HMBOX1: variants seen among roughly 807,000 people sequenced by gnomAD.
HMBOX1 encodes the protein homeobox-containing protein 1.
In HMBOX1, 14 loss-of-function variants were observed where a neutral mutation model predicts 54.5. The observed-to-expected ratio is 0.26, with a 90% CI of 0.17 to 0.40. The LOEUF (loss-of-function observed/expected upper bound fraction) is 0.40. HMBOX1 is among the 10% of genes least tolerant of loss of function. HMBOX1 has a pLI of 1.00. For synonymous variants in HMBOX1, 160 were observed against 181.0 expected, an observed-to-expected ratio of 0.88 and a Z score of 0.93; for missense variants, 332 against 514.4, an observed-to-expected ratio of 0.65 and a Z score of 3.43.
chr8:28,947,663 G>A (rs1156382578), intron 1 of HMBOX1, among the ~76,000 whole-genome samples: 1 of 152,130 alleles, frequency 6.6e-6, no homozygotes. Flanking sequence ...TGTTAAATTG[G>A]ATTATCCCTA....
chr8:28,960,279 A>G lies in HMBOX1; in HGVS notation c.-57-3532A>G, dbSNP rs563357770. ...GAAGAACAATCCTCTTTTTTGTCAC[A>G]GTGTATTGTTATGTTGGTCATAATT... On this transcript the variant is annotated intron_variant, in intron 1 of 9. Transcript: ENST00000287701. Among the ~76,000 whole-genome samples, 71 of 143,470 alleles carry G rather than the reference A, an allele frequency of 4.9e-4. 2 individuals carry two copies. The South Asian group carries it at 0.014, about 27-fold the overall frequency. The allele number at this position is 143,470 out of a possible 152,430, so 94.1% of individuals were successfully genotyped here.
At chr8:29,020,222 A>T (rs1323471354) in intron 6 of HMBOX1, among the ~76,000 whole-genome samples, 2 of 152,240 alleles carry the variant, frequency 1.3e-5, no homozygotes, top group Admixed American at 6.5e-5. Flanking sequence ...TTAAATTGCA[A>T]CATTGTACAT....
At chr8:28,926,304 T>TATACACACACACACACAC (rs796953426) in intron 1 of HMBOX1, among the ~76,000 whole-genome samples, 2 of 142,138 alleles carry the variant, frequency 1.4e-5, no homozygotes, top group African/African-American at 5.3e-5. Context: ...TATATATATA[T>TATACACACACACACACAC]ACACACACAC....
At chr8:28,937,535 C>A (rs762747751) in intron 1 of HMBOX1, among the ~76,000 whole-genome samples, 4 of 152,170 alleles carry the variant, frequency 2.6e-5, no homozygotes, top group Non-Finnish European at 5.9e-5. Flanking sequence ...TTCTTCAATA[C>A]AATCTTGGGA....
intron 4 of HMBOX1, among the ~76,000 whole-genome samples, chr8:28,992,698 A>G (rs1831161600): frequency 6.6e-6 from 1 of 151,594 alleles, no homozygotes; most frequent in Non-Finnish European, 1.5e-5. Context: ...GTGAATCCCC[A>G]TCTCTACTAA....
chr8:28,896,713 G>T (rs1812185816), intron 1 of HMBOX1, among the ~76,000 whole-genome samples: 1 of 123,858 alleles, frequency 8.1e-6, no homozygotes, highest in Non-Finnish European at 2.0e-5. Flanking sequence ...GTAACATGCT[G>T]TACAGGTTTG....
At chr8:28,919,120 A>G (rs1817097558) in intron 1 of HMBOX1, among the ~76,000 whole-genome samples, 1 of 152,192 alleles carries the variant, frequency 6.6e-6, no homozygotes, top group Non-Finnish European at 1.5e-5. Flanking sequence ...CCAGTAACAG[A>G]TACAGTTAGC....
chr8:28,907,161 A>G (rs1814500712), intron 1 of HMBOX1, among the ~76,000 whole-genome samples: 1 of 152,230 alleles, frequency 6.6e-6, no homozygotes. Context: ...TAACCTTTTA[A>G]GGCAGTGTAT....
intron 5 of HMBOX1, among the ~76,000 whole-genome samples, chr8:29,012,911 T>C (rs1279664630): frequency 6.6e-6 from 1 of 152,196 alleles, no homozygotes; most frequent in Non-Finnish European, 1.5e-5. Flanking sequence ...CATAATTTTT[T>C]TTTCTGTCTA....
In HMBOX1 at chr8:28,970,409, A is replaced by G; in HGVS notation, c.390A>G (p.Gly130=). Residue 130 remains glycine (G), a synonymous_variant, in exon 3 of 10, where the codon GGA becomes GGG. Coordinates refer to ENST00000287701, the MANE Select transcript of HMBOX1 (RefSeq NM_001135726.3). The surrounding 1 kb of genome is among the most constrained non-coding windows in gnomAD (Gnocchi z 4.3). ...ATGAGCGATTATCTACATCCAATGG[A>G]AAGATGTCACCAACTCGCTACCATG... ...ENNERLSTSN[G]KMSPTRYHAN... is the part of the protein sequence containing the mutation. 1.2e-6 allele frequency: 2 copies of G among 1,614,186 alleles called. No individual in the cohort carries two copies. The highest frequency in any genetic ancestry group is 1.7e-6 in the Non-Finnish European group (2 of 1,180,020).
chr8:29,035,008 C>A (rs1803624441), intron 6 of HMBOX1, among the ~76,000 whole-genome samples: 1 of 152,100 alleles, frequency 6.6e-6, no homozygotes, highest in African/African-American at 2.4e-5. Context: ...CCCATGTGTA[C>A]AAAGTATTGT....
intron 1 of HMBOX1, among the ~76,000 whole-genome samples, chr8:28,937,004 G>A (rs1161866578): frequency 6.6e-6 from 1 of 152,086 alleles, no homozygotes; most frequent in Non-Finnish European, 1.5e-5. Context: ...GTATTGAAAA[G>A]AGTGAAAGAA....
intron 1 of HMBOX1, among the ~76,000 whole-genome samples, chr8:28,917,814 TG>T (rs1285829863): frequency 6.6e-6 from 1 of 152,210 alleles, no homozygotes; most frequent in Non-Finnish European, 1.5e-5. Flanking sequence ...TCTGTGATTA[TG>T]GAGAATTACA....
chr8:29,045,246 G>T, intron 6 of HMBOX1, 115 bp from the exon 7 acceptor site: 1 of 795,686 alleles, frequency 1.3e-6, no homozygotes. Flanking sequence ...TGACAGCCTG[G>T]ACCTAGACAC....
At chr8:29,032,009 T>C (rs1399715843) in intron 6 of HMBOX1, among the ~76,000 whole-genome samples, 1 of 152,062 alleles carries the variant, frequency 6.6e-6, no homozygotes, top group African/African-American at 2.4e-5. Context: ...GCTGGAAAAA[T>C]GAGGCTGCTG....
intron 6 of HMBOX1, among the ~76,000 whole-genome samples, chr8:29,027,603 T>C (rs1405022242): frequency 1.3e-5 from 2 of 152,170 alleles, no homozygotes; most frequent in Non-Finnish European, 2.9e-5. Flanking sequence ...AATCTCCTTA[T>C]AGGTTTTTCA....
At chr8:29,013,246 C>T (rs1935113233) in intron 5 of HMBOX1, among the ~76,000 whole-genome samples, 1 of 152,198 alleles carries the variant, frequency 6.6e-6, no homozygotes, top group East Asian at 1.9e-4. Context: ...AGCAATTCTC[C>T]TGCCTCAGCC....
At chr8:28,995,577 C>T (rs1831687814) in intron 4 of HMBOX1, among the ~76,000 whole-genome samples, 1 of 152,176 alleles carries the variant, frequency 6.6e-6, no homozygotes, top group Non-Finnish European at 1.5e-5. Flanking sequence ...ACTGCCAAAA[C>T]TGTTTTCCAT....
intron 1 of HMBOX1, among the ~76,000 whole-genome samples, chr8:28,940,026 GATTTTTTTTGT>G (rs1376139027): frequency 6.6e-6 from 1 of 151,888 alleles, no homozygotes. Context: ...AATTGTTTTA[GATTTTTTTTGT>G]ATTTTTTTTG....
Sources: allele counts gnomAD v4.1 joint callset (sites outside exome capture counted in the v4.1 genomes callset), GRCh38; gene constraint gnomAD v4.1.1; non-coding constraint Gnocchi (gnomAD v3.1); transcripts MANE v1.5; gene names NCBI Gene and HGNC (gene_info 2026-07-23, HGNC 2026-07-21).